MALRD1: variants seen among roughly 807,000 people sequenced by gnomAD.
MALRD1 encodes MAM and LDL receptor class A domain containing 1, also known as MAM and LDL-receptor class A domain-containing protein 1.
MALRD1 carries 247 observed loss-of-function variants against 242.1 expected under a neutral mutation model. That is an observed-to-expected ratio of 1.02 (90% CI 0.92 to 1.13). The LOEUF is 1.13. Among genes scored for constraint, MALRD1 ranks in the 50% most tolerant of loss-of-function variants. MALRD1 has a pLI of 0.00. For missense variants in MALRD1, 2,989 were observed against 2,533.1 expected (o/e 1.18, Z -3.86); for synonymous variants, 995 against 866.6 (o/e 1.15, Z -2.60).
Position 19,238,496 on chromosome 10 carries a change from A to ACAT in MALRD1, c.2992-19188_2992-19187insCAT, listed in dbSNP as rs1564492726. Among the ~76,000 whole-genome samples the ACAT allele has an allele frequency of 1.5e-3, 12 of 8,246 alleles. 1 individual carries two copies. Among genetic ancestry groups the ACAT allele is most frequent in the South Asian group, 5.1e-3 (1 of 196 alleles). The allele number at this position is 8,246 out of a possible 152,430, so 5.4% of individuals were successfully genotyped here. A position where few individuals can be genotyped will look rare whatever the true frequency, so the allele number is the denominator to read the frequency against. ...ATATAATATACATTATATATAATATATAATATAATATATAATGTATATTAT... is the reference window on the plus strand; with the variant it reads ...ATATAATATACATTATATATAATATACATTAATATAATATATAATGTATATTAT... On this transcript the variant is annotated intron_variant, in intron 18 of 39. Coordinates refer to ENST00000454679, the MANE Select transcript of MALRD1 (RefSeq NM_001142308.3).
intron 32 of MALRD1, among the ~76,000 whole-genome samples, chr10:19,539,737 A>AGTGCAGTG (rs1487105335): frequency 1.3e-5 from 2 of 151,004 alleles, no homozygotes; most frequent in Non-Finnish European, 3.0e-5. Context: ...CCCAGGCTGG[A>AGTGCAGTG]GTGCAGTGGT....
Position 19,128,255 on chromosome 10 carries a change from C to T in MALRD1, c.978C>T (p.Phe326=). The change falls in exon 8 of 40, where the codon TTC becomes TTT. Residue 326 remains phenylalanine, a synonymous_variant. Coordinates refer to ENST00000454679, the MANE Select transcript of MALRD1 (RefSeq NM_001142308.3). ...TATGGGTAGGCGCTAAGCATGGTTT[C>T]ACTCTTAACCATTTAGACAGCAGGG... ...YYVWVGAKHG[F]TLNHLDSRAY... The T allele has an allele frequency of 8.1e-7, 1 of 1,233,514 alleles. No individual in the cohort carries two copies. The highest frequency in any genetic ancestry group is 1.0e-6 in the Non-Finnish European group (1 of 987,860). The allele number at this position is 1,233,514 out of a possible 1,614,324, so 76.4% of individuals were successfully genotyped here. A position where few individuals can be genotyped will look rare whatever the true frequency, so the allele number is the denominator to read the frequency against.
At position 19,088,048 on chromosome 10, in the gene MALRD1, C is replaced by A. The variant is rs1835734814; in HGVS notation, c.460C>A (p.Gln154Lys). ...CQITFYYFSC[Q>K]VSGKLMVGLQ... is the part of the protein sequence containing the mutation. The stretch of plus-strand genomic sequence containing the variant: ...GATTACATTTTATTACTTCTCCTGC[C>A]AAGTGAGTGGCAAATTAATGGTTGG... The change falls in exon 4 of 40, where the codon CAA (glutamine) becomes AAA (lysine). Residue 154 changes from glutamine (Q) to lysine (K), a missense_variant. By Grantham distance (53) the Gln-to-Lys change is moderately conservative. Transcript: ENST00000454679. The A allele has an allele frequency of 1.6e-6, 2 of 1,233,314 alleles. No homozygotes were observed. The highest frequency in any genetic ancestry group is 8.2e-5 in the South Asian group (2 of 24,406). The allele number at this position is 1,233,314 out of a possible 1,614,324, so 76.4% of individuals were successfully genotyped here.
chr10:19,182,595 G>T (rs1264654348), intron 14 of MALRD1, among the ~76,000 whole-genome samples: 5 of 151,904 alleles, frequency 3.3e-5, no homozygotes, highest in Non-Finnish European at 5.9e-5. Context: ...CTCCCAAAGT[G>T]CTGGGATTAC....
chr10:19,119,984 G>T (rs11008535), intron 5 of MALRD1, among the ~76,000 whole-genome samples: 3,465 of 152,112 alleles, frequency 0.023, 121 homozygotes, highest in African/African-American at 0.079. Context: ...TCTGTGACCC[G>T]AGGGAAGAGG....
chr10:19,694,427 C>T (rs929647694), intron 38 of MALRD1, among the ~76,000 whole-genome samples: 13 of 152,196 alleles, frequency 8.5e-5, no homozygotes, highest in Admixed American at 2.6e-4. Flanking sequence ...TGAACAGACA[C>T]TTCTCAAAAG....
intron 18 of MALRD1, among the ~76,000 whole-genome samples, chr10:19,250,300 A>G (rs533688343): frequency 1.8e-4 from 27 of 152,112 alleles, no homozygotes; most frequent in African/African-American, 6.0e-4. Flanking sequence ...ACTTTTTTCT[A>G]AAATATCAAC....
chr10:19,174,629 A>G (rs931602105), intron 13 of MALRD1, among the ~76,000 whole-genome samples: 25 of 152,072 alleles, frequency 1.6e-4, no homozygotes, highest in Admixed American at 1.4e-3. Context: ...TATATCAGTC[A>G]TTATTCAGCG....
chr10:19,395,553 A>G (rs1846537235), intron 28 of MALRD1, among the ~76,000 whole-genome samples: 5 of 152,170 alleles, frequency 3.3e-5, no homozygotes, highest in Admixed American at 3.3e-4. Flanking sequence ...ATGACTGGAT[A>G]GAATGGGAGG....
chr10:19,189,392 A>G (rs1012344857), intron 14 of MALRD1, among the ~76,000 whole-genome samples: 2 of 152,170 alleles, frequency 1.3e-5, no homozygotes, highest in Admixed American at 6.5e-5. Context: ...TATGTAAAAA[A>G]GAACTAACAA....
intron 1 of MALRD1, among the ~76,000 whole-genome samples, chr10:19,060,097 C>T (rs892531775): frequency 1.3e-5 from 2 of 152,158 alleles, no homozygotes; most frequent in African/African-American, 2.4e-5. Context: ...AACTGCCCAT[C>T]TGGGTGTCAA....
chr10:19,582,399 A>G (rs1488885790), intron 33 of MALRD1, among the ~76,000 whole-genome samples: 19 of 144,960 alleles, frequency 1.3e-4, no homozygotes, highest in Non-Finnish European at 1.7e-4. Flanking sequence ...TGATTTTTGT[A>G]TAAGGTGTAA....
At chr10:19,149,311 C>T (rs769574315) in intron 11 of MALRD1, among the ~76,000 whole-genome samples, 12 of 151,900 alleles carry the variant, frequency 7.9e-5, no homozygotes, top group African/African-American at 1.9e-4. Context: ...TTAGTAGAGC[C>T]GGAGGTTTCA....
intron 26 of MALRD1, among the ~76,000 whole-genome samples, chr10:19,368,672 G>T (rs2130735225): frequency 6.6e-6 from 1 of 151,932 alleles, no homozygotes; most frequent in African/African-American, 2.4e-5. Flanking sequence ...TATTTTTATA[G>T]AAATTGTATT....
intron 19 of MALRD1, among the ~76,000 whole-genome samples, chr10:19,274,442 A>G (rs1272441403): frequency 1.3e-5 from 2 of 152,126 alleles, no homozygotes; most frequent in African/African-American, 4.8e-5. Context: ...GCTTTCATGG[A>G]TGGAATCAAT....
At chr10:19,381,060 T>G (rs1365923666) in intron 26 of MALRD1, among the ~76,000 whole-genome samples, 1 of 77,954 alleles carries the variant, frequency 1.3e-5, no homozygotes, top group Non-Finnish European at 2.4e-5. Flanking sequence ...CCCTCCCCCC[T>G]CCCCCCACCC....
Position 19,066,821 on chromosome 10 carries a change from T to C in MALRD1, c.302T>C (p.Leu101Pro), listed in dbSNP as rs1834994633. The stretch of plus-strand genomic sequence containing the variant: ...ACAAAGAGAAGTGGGATGATTGGTC[T>C]ATCACCTCCATTTTATGATCACAAT... ...SWTKRSGMIG[L>P]SPPFYDHNGD... Residue 101 changes from leucine (L) to proline (P), a missense_variant, in exon 2 of 40, where the codon CTA (leucine) becomes CCA (proline). Leu to Pro is a moderately conservative substitution (Grantham distance 98). Coordinates refer to ENST00000454679, the MANE Select transcript of MALRD1 (RefSeq NM_001142308.3). 3.2e-6 allele frequency: 4 copies of C among 1,233,742 alleles called. No homozygotes were observed. Among genetic ancestry groups the C allele is most frequent in the Non-Finnish European group, 4.0e-6 (4 of 988,058 alleles). 76.4% of individuals were successfully genotyped at this position (1,233,742 alleles called of 1,614,324 possible).
chr10:19,223,249 T>C (rs748812207), intron 18 of MALRD1, among the ~76,000 whole-genome samples: 12 of 152,082 alleles, frequency 7.9e-5, no homozygotes, highest in South Asian at 2.1e-4. Context: ...TTCCTGGTGG[T>C]AACAAAATTG....
intron 36 of MALRD1, among the ~76,000 whole-genome samples, chr10:19,668,830 A>G (rs1367968252): frequency 6.6e-6 from 1 of 152,212 alleles, no homozygotes; most frequent in Non-Finnish European, 1.5e-5. Flanking sequence ...TTTAAGGGTC[A>G]ATTCAGAGGG....
Sources: gnomAD v4.1 joint callset for allele counts (sites outside exome capture counted in the v4.1 genomes callset) on GRCh38, gnomAD v4.1.1 for gene constraint, MANE v1.5 for transcripts, NCBI Gene and HGNC (gene_info 2026-07-23, HGNC 2026-07-21) for gene names.